Variants in DNAH14 observed in about 807,000 individuals in gnomAD.
The protein encoded by DNAH14 is axonemal beta dynein heavy chain 14.
DNAH14 carries 478 observed loss-of-function variants against 520.9 expected under a neutral mutation model. That is an observed-to-expected ratio of 0.92 (90% CI 0.85 to 0.99). DNAH14 has a LOEUF of 0.99. DNAH14 is among the 50% of genes least tolerant of loss of function. The pLI is 0.00. For missense variants in DNAH14, 4,831 were observed against 5,234.5 expected (o/e 0.92, Z 2.38); for synonymous variants, 1,581 against 1,757.2 (o/e 0.90, Z 2.51).
intron 66 of DNAH14, among the ~76,000 whole-genome samples, chr1:225,335,362 CGTGTACAT>C (rs2094933701): frequency 2.0e-5 from 1 of 51,076 alleles, no homozygotes; most frequent in Non-Finnish European, 3.7e-5. Context: ...TGCATATACA[CGTGTACAT>C]GTGTGTGTAT....
intron 34 of DNAH14, 109 bp downstream of exon 34, chr1:225,153,935 CTG>C (rs2080772900): frequency 1.4e-6 from 1 of 727,254 alleles, no homozygotes; most frequent in Non-Finnish European, 2.2e-6. Flanking sequence ...GCCCCGCAGA[CTG>C]TCATAGTAAA....
rs367917262 is a variant in DNAH14, at chr1:225,291,903, AT to A, written c.8469+1827del. The stretch of plus-strand genomic sequence containing the variant: ...AAATATCTGTTCACATCATTTGCCC[AT>A]TTTTTAATCAGGTTTTGTTTTGTTT... On this transcript the variant is annotated intron_variant, in intron 55 of 85. Transcript: ENST00000682510. Among the ~76,000 whole-genome samples, 331 of 152,014 alleles carry A rather than the reference AT, an allele frequency of 2.2e-3. 3 individuals carry two copies. Among genetic ancestry groups the A allele is most frequent in the African/African-American group, 7.6e-3 (316 of 41,462 alleles).
chr1:225,174,007 A>C (rs1392078893), intron 36 of DNAH14, among the ~76,000 whole-genome samples: 1 of 152,208 alleles, frequency 6.6e-6, no homozygotes, highest in South Asian at 2.1e-4. Context: ...AAACTATCGC[A>C]AGGACAAAAA....
At chr1:225,322,271 T>G (rs951462782) in intron 61 of DNAH14, among the ~76,000 whole-genome samples, 5 of 151,792 alleles carry the variant, frequency 3.3e-5, no homozygotes, top group Non-Finnish European at 7.4e-5. Flanking sequence ...TTTATTTTTG[T>G]AGAGACCGGG....
chr1:225,347,040 T>A (rs2095296073), intron 71 of DNAH14, among the ~76,000 whole-genome samples: 1 of 152,226 alleles, frequency 6.6e-6, no homozygotes, highest in South Asian at 2.1e-4. Flanking sequence ...TTAGACACAA[T>A]TATTTAATTA....
At position 225,024,087 on chromosome 1, in the gene DNAH14, T is replaced by C. The variant is rs1399461097; in HGVS notation, c.1358+222T>C. The C allele has an allele frequency of 5.2e-6, 6 of 1,151,606 alleles. No individual in the cohort carries two copies. In the African/African-American group the frequency reaches 6.4e-5, roughly 12 times the overall value. The allele number at this position is 1,151,606 out of a possible 1,614,324, so 71.3% of individuals were successfully genotyped here. On this transcript the variant is annotated intron_variant, in intron 11 of 85. Transcript: ENST00000682510. ...CAGTAAAATTTGAATTTCACATAAATGGTAAATAATTTTAGTATACTTCAA... is the reference window on the plus strand; with the variant it reads ...CAGTAAAATTTGAATTTCACATAAACGGTAAATAATTTTAGTATACTTCAA...
chr1:225,074,231 C>T (rs910988165), intron 17 of DNAH14, among the ~76,000 whole-genome samples: 3 of 151,900 alleles, frequency 2.0e-5, no homozygotes, highest in Non-Finnish European at 1.5e-5. Flanking sequence ...GATCTCCTGA[C>T]CTCGTGATCC....
Position 225,061,506 on chromosome 1 carries a change from G to A in DNAH14, c.2424+9711G>A, listed in dbSNP as rs183751164. On this transcript the variant is annotated intron_variant, in intron 17 of 85. Coordinates refer to ENST00000682510, the MANE Select transcript of DNAH14 (RefSeq NM_001367479.1). Reference sequence around the variant, plus strand: ...CTCTGCTTTGGCTCATGCTCGGTGCGCAGCACCCACTGTCCTGCACCCACT... The same window carrying A: ...CTCTGCTTTGGCTCATGCTCGGTGCACAGCACCCACTGTCCTGCACCCACT... Among the ~76,000 whole-genome samples the A allele has an allele frequency of 5.5e-4, 83 of 152,292 alleles. 1 individual carries two copies. The highest frequency in any genetic ancestry group is 1.1e-3 in the Admixed American group (17 of 15,300).
At chr1:225,325,485 C>CAAAAAAAAAAAAAA (rs59895242) in intron 64 of DNAH14, among the ~76,000 whole-genome samples, 1 of 139,492 alleles carries the variant, frequency 7.2e-6, no homozygotes, top group Non-Finnish European at 1.6e-5. Flanking sequence ...AACTCCATCT[C>CAAAAAAAAAAAAAA]AAAAAAAAAA....
chr1:225,172,648 T>C (rs111740342), intron 36 of DNAH14, among the ~76,000 whole-genome samples: 6,696 of 152,286 alleles, frequency 0.044, 243 homozygotes, highest in Non-Finnish European at 0.066. Context: ...TCCATGCTCA[T>C]GGGCAGAAAG....
Position 225,324,214 on chromosome 1 carries a change from C to T in DNAH14, c.9496-8C>T. ...TCTCATGTAATACATTAACTGTGTT[C>T]TCTCTAGGTTTTCGTGAAGCTAAAA... On this transcript the variant is annotated splice_polypyrimidine_tract_variant and splice_region_variant and intron_variant, in intron 62 of 85. Coordinates refer to ENST00000682510, the MANE Select transcript of DNAH14 (RefSeq NM_001367479.1). The T allele has an allele frequency of 6.4e-7, 1 of 1,551,492 alleles. No individual in the cohort carries two copies. The highest frequency in any genetic ancestry group is 1.4e-5 in the African/African-American group (1 of 73,152).
intron 35 of DNAH14, among the ~76,000 whole-genome samples, chr1:225,163,429 G>A (rs1487373940): frequency 6.6e-6 from 1 of 152,158 alleles, no homozygotes; most frequent in Non-Finnish European, 1.5e-5. Flanking sequence ...CACACTTGTT[G>A]TGTGCCAGAT....
At chr1:225,116,498 A>G (rs916495083) in intron 23 of DNAH14, among the ~76,000 whole-genome samples, 1 of 152,190 alleles carries the variant, frequency 6.6e-6, no homozygotes, top group Non-Finnish European at 1.5e-5. Context: ...TTATGCCTAG[A>G]TACGTTTGGT....
chr1:225,071,901 A>G (rs2071593086), intron 17 of DNAH14, among the ~76,000 whole-genome samples: 1 of 152,152 alleles, frequency 6.6e-6, no homozygotes, highest in Non-Finnish European at 1.5e-5. Flanking sequence ...TTCCCACGAC[A>G]TGTGGGGATT....
chr1:225,230,504 C>T (rs1243053864), intron 41 of DNAH14, among the ~76,000 whole-genome samples: 1 of 151,638 alleles, frequency 6.6e-6, no homozygotes, highest in Non-Finnish European at 1.5e-5. Flanking sequence ...ATTAAGAAAA[C>T]AAATATAAAA....
intron 64 of DNAH14, among the ~76,000 whole-genome samples, chr1:225,330,040 C>T (rs1316130439): frequency 3.3e-5 from 5 of 151,994 alleles, no homozygotes; most frequent in Non-Finnish European, 7.4e-5. Flanking sequence ...GGCAAAAAGA[C>T]ATATAAAAAG....
Position 224,967,467 on chromosome 1 carries a change from C to G in DNAH14, c.535C>G (p.Leu179Val), listed in dbSNP as rs1258554851. 6.4e-7 allele frequency: 1 copy of G among 1,569,536 alleles called. No homozygotes were observed. The highest frequency in any genetic ancestry group is 8.6e-7 in the Non-Finnish European group (1 of 1,162,314). ...LEDDGEFVYC[L>V]PRKSPKSLYN... is the part of the protein sequence containing the mutation. ...AGATGATGGAGAATTTGTTTATTGC[C>G]TTCCTCGGAAAAGTCCTAAATCCCT... The change falls in exon 6 of 86, where the codon CTT (leucine) becomes GTT (valine). Residue 179 changes from leucine to valine, a missense_variant. Coordinates refer to ENST00000682510, the MANE Select transcript of DNAH14 (RefSeq NM_001367479.1).
At chr1:225,213,703 CTGTT>C (rs1275840841) in intron 41 of DNAH14, among the ~76,000 whole-genome samples, 8 of 152,092 alleles carry the variant, frequency 5.3e-5, no homozygotes, top group African/African-American at 1.7e-4. Flanking sequence ...ATTTGGCTCT[CTGTT>C]TGTCTGTTAC....
chr1:225,381,453 ATTAT>A lies in DNAH14; in HGVS notation c.12954_12957del (p.Phe4319SerfsTer6). On this transcript the variant is annotated frameshift_variant, in exon 81 of 86. Transcript: ENST00000682510. LOFTEE classifies it high-confidence loss of function. ...AAGAAATTAAACGATTTGATAAGTTATTATTTGTCATACATAAATCCTTAAAAGA... is the reference window on the plus strand; with the variant it reads ...AAGAAATTAAACGATTTGATAAGTTATTGTCATACATAAATCCTTAAAAGA... 6.4e-7 allele frequency: 1 copy of A among 1,550,998 alleles called. No homozygotes were observed. Among genetic ancestry groups the A allele is most frequent in the Non-Finnish European group, 8.7e-7 (1 of 1,146,800 alleles).
Sources: gnomAD v4.1 joint callset for allele counts (sites outside exome capture counted in the v4.1 genomes callset) on GRCh38, gnomAD v4.1.1 for gene constraint, MANE v1.5 for transcripts, NCBI Gene and HGNC (gene_info 2026-07-23, HGNC 2026-07-21) for gene names.